STXBP5L: variants seen among roughly 807,000 people sequenced by gnomAD.
STXBP5L encodes syntaxin binding protein 5L.
Under a neutral mutation model 144.5 loss-of-function variants are expected in STXBP5L, and 65 were observed. The observed-to-expected ratio is 0.45, with a 90% CI of 0.37 to 0.55. The LOEUF (loss-of-function observed/expected upper bound fraction) is 0.55. Ranked by LOEUF, STXBP5L falls within the 20% of genes least tolerant of loss-of-function variation. The probability of loss-of-function intolerance (pLI) is 0.00; values close to 1 mark genes in which losing one functional copy is unlikely to be tolerated. For synonymous variants in STXBP5L, 505 were observed against 469.6 expected, an observed-to-expected ratio of 1.08 and a Z score of -0.97; for missense variants, 1,298 against 1,405.5, an observed-to-expected ratio of 0.92 and a Z score of 1.22.
intron 3 of STXBP5L, among the ~76,000 whole-genome samples, chr3:120,981,098 A>C (rs976727801): frequency 2.7e-4 from 41 of 152,020 alleles, no homozygotes; most frequent in African/African-American, 9.4e-4. Context: ...TATTTCCTTC[A>C]TAGCTGATTA....
At chr3:121,156,076 C>CT (rs1406287912) in intron 8 of STXBP5L, among the ~76,000 whole-genome samples, 1 of 151,906 alleles carries the variant, frequency 6.6e-6, no homozygotes, top group East Asian at 1.9e-4. Context: ...TATTTTATCT[C>CT]TAACTTCCTC....
chr3:121,009,764 C>G (rs965719416), intron 3 of STXBP5L, among the ~76,000 whole-genome samples: 1 of 151,776 alleles, frequency 6.6e-6, no homozygotes, highest in Non-Finnish European at 1.5e-5. Flanking sequence ...TGTGCCAACT[C>G]TTCTTATTTG....
At chr3:120,999,590 T>A (rs1413617440) in intron 3 of STXBP5L, among the ~76,000 whole-genome samples, 1 of 152,182 alleles carries the variant, frequency 6.6e-6, no homozygotes, top group Non-Finnish European at 1.5e-5. Context: ...AATATTGACA[T>A]GTGCCAATTT....
chr3:121,387,761 A>G (rs2046462113), intron 22 of STXBP5L, among the ~76,000 whole-genome samples: 1 of 152,132 alleles, frequency 6.6e-6, no homozygotes, highest in South Asian at 2.1e-4. Flanking sequence ...CCATTGGTCT[A>G]TATCTCTGTT....
At chr3:121,112,699 C>A (rs1046844166) in intron 5 of STXBP5L, among the ~76,000 whole-genome samples, 1 of 151,810 alleles carries the variant, frequency 6.6e-6, no homozygotes, top group Non-Finnish European at 1.5e-5. Context: ...CTAAGGATAT[C>A]TTCGATTATT....
intron 5 of STXBP5L, among the ~76,000 whole-genome samples, chr3:121,066,361 C>T (rs963193530): frequency 4.8e-5 from 5 of 103,596 alleles, no homozygotes; most frequent in Non-Finnish European, 7.7e-5. Context: ...TTCCTATAAG[C>T]GTATATATAT....
At position 121,423,749 on chromosome 3, in the gene STXBP5L, C is replaced by G. The variant is rs1325578070; in HGVS notation, c.*4652C>G. 1.3e-5 allele frequency: 2 copies of G among 152,144 alleles called. No individual in the cohort carries two copies. Among genetic ancestry groups the G allele is most frequent in the Non-Finnish European group, 2.9e-5 (2 of 68,034 alleles). 9.4% of individuals were successfully genotyped at this position (152,144 alleles called of 1,614,324 possible). On this transcript the variant is annotated 3_prime_UTR_variant, in exon 27 of 27. Coordinates refer to ENST00000471454, the MANE Select transcript of STXBP5L (RefSeq NM_001308330.2). ...ACTGCTTTATGGCCAACTAAGGAAA[C>G]CTTGTTTGTCTGCCTTGGCTGGTGC...
intron 22 of STXBP5L, among the ~76,000 whole-genome samples, chr3:121,383,963 G>A (rs1230838356): frequency 3.9e-5 from 6 of 152,164 alleles, no homozygotes. Context: ...GCTGAAGTGA[G>A]TGACATGCTC....
chr3:121,410,600 T>C (rs567137549), intron 23 of STXBP5L, among the ~76,000 whole-genome samples: 18 of 151,940 alleles, frequency 1.2e-4, no homozygotes, highest in Non-Finnish European at 2.1e-4. Context: ...GGGTTTCTGA[T>C]AGATATCAGG....
intron 20 of STXBP5L, among the ~76,000 whole-genome samples, chr3:121,352,794 T>C (rs1275182685): frequency 6.6e-6 from 1 of 152,122 alleles, no homozygotes; most frequent in Non-Finnish European, 1.5e-5. Context: ...TTTTTGCTCA[T>C]TGAGTATGAT....
At chr3:121,121,737 AT>A in intron 7 of STXBP5L, 33 bp downstream of exon 7, 1 of 1,486,180 alleles carries the variant, frequency 6.7e-7, no homozygotes, top group Non-Finnish European at 9.3e-7. Flanking sequence ...TATTAGTTTT[AT>A]TTTCCTCATT....
intron 5 of STXBP5L, among the ~76,000 whole-genome samples, chr3:121,067,234 A>G (rs560380657): frequency 6.6e-5 from 10 of 152,110 alleles, no homozygotes; most frequent in Non-Finnish European, 1.0e-4. Flanking sequence ...GGAACCTTAC[A>G]TAACTGATTT....
chr3:121,164,803 T>G (rs915101646), intron 9 of STXBP5L, among the ~76,000 whole-genome samples: 1 of 152,172 alleles, frequency 6.6e-6, no homozygotes, highest in Non-Finnish European at 1.5e-5. Context: ...GGAAAAGTAT[T>G]GCATTGTCTC....
At position 121,264,429 on chromosome 3, in the gene STXBP5L, A is replaced by G. The variant is rs536116274; in HGVS notation, c.1958+5261A>G. On this transcript the variant is annotated intron_variant, in intron 18 of 26. Transcript: ENST00000471454. ...TACCCATTCTAAAGGAAGAATTAGG[A>G]AAAAAGAAAGGGGAAATAACTCCAA... is the stretch of plus-strand genomic sequence containing the variant. 9.9e-5 allele frequency among the ~76,000 whole-genome samples: 15 copies of G among 152,260 alleles called. No homozygotes were observed. The East Asian group carries it at 1.2e-3, about 12-fold the overall frequency.
At chr3:121,065,249 A>G (rs886535585) in intron 5 of STXBP5L, among the ~76,000 whole-genome samples, 38 of 152,194 alleles carry the variant, frequency 2.5e-4, no homozygotes, top group African/African-American at 8.9e-4. Context: ...TCCTTTGGGT[A>G]TATACCCAGT....
In STXBP5L at chr3:120,911,571, G is replaced by A. The variant is rs1576404803; in HGVS notation, c.189+1804G>A. Among the ~76,000 whole-genome samples, 5 of 152,140 alleles carry A rather than the reference G, an allele frequency of 3.3e-5. No homozygotes were observed. In the South Asian group the frequency reaches 1.0e-3, roughly 32 times the overall value. Reference sequence around the variant, plus strand: ...TCAGACAGAATAAGGTGAAGGTAATGCATAAATGGAAAGGATGATAAAATA... The same window carrying A: ...TCAGACAGAATAAGGTGAAGGTAATACATAAATGGAAAGGATGATAAAATA... On this transcript the variant is annotated intron_variant, in intron 2 of 26. Transcript: ENST00000471454.
chr3:121,080,568 C>T (rs1441859380), intron 5 of STXBP5L, among the ~76,000 whole-genome samples: 2 of 152,130 alleles, frequency 1.3e-5, no homozygotes. Context: ...TTTATCTCTC[C>T]TTCATTCATG....
intron 8 of STXBP5L, among the ~76,000 whole-genome samples, chr3:121,155,421 C>T (rs1347032086): frequency 6.6e-6 from 1 of 151,852 alleles, no homozygotes; most frequent in Non-Finnish European, 1.5e-5. Context: ...TAACTAGCCT[C>T]TTCATAAATA....
intron 19 of STXBP5L, chr3:121,282,266 A>G: frequency 6.2e-6 from 10 of 1,611,268 alleles, no homozygotes; most frequent in Non-Finnish European, 8.5e-6. Flanking sequence ...TGTTCCAAAG[A>G]CAACTTTTGC....
Sources: allele counts gnomAD v4.1 joint callset (sites outside exome capture counted in the v4.1 genomes callset), GRCh38; gene constraint gnomAD v4.1.1; transcripts MANE v1.5; gene names NCBI Gene and HGNC (gene_info 2026-07-23, HGNC 2026-07-21).